EPHA5: variants seen among roughly 807,000 people sequenced by gnomAD.
EPHA5 encodes the protein ephrin type-A receptor 5.
EPHA5 carries 60 observed loss-of-function variants against 105.0 expected under a neutral mutation model. The observed-to-expected ratio is 0.57, with a 90% CI of 0.46 to 0.71. The LOEUF is 0.71. Among genes scored for constraint, EPHA5 ranks in the 30% least tolerant of loss-of-function variants. EPHA5 has a pLI of 0.00. For synonymous variants in EPHA5, 513 were observed against 449.1 expected (o/e 1.14, Z -1.80); for missense variants, 1,218 against 1,274.7 (o/e 0.96, Z 0.68).
chr4:65,611,859 A>C (rs1457804592), intron 2 of EPHA5, among the ~76,000 whole-genome samples: 24 of 151,902 alleles, frequency 1.6e-4, no homozygotes, highest in Non-Finnish European at 7.4e-5. Context: ...AATACATAAT[A>C]AAGTGCACTC....
chr4:65,497,389 C>G (rs1378917743), intron 3 of EPHA5, among the ~76,000 whole-genome samples: 2 of 151,986 alleles, frequency 1.3e-5, no homozygotes, highest in Non-Finnish European at 2.9e-5. Flanking sequence ...AGCCTTAATG[C>G]TCTTATAAAT....
At chr4:65,426,807 T>C (rs1724483139) in intron 5 of EPHA5, among the ~76,000 whole-genome samples, 1 of 152,304 alleles carries the variant, frequency 6.6e-6, no homozygotes, top group Non-Finnish European at 1.5e-5. Context: ...ACCTGTTTAA[T>C]TTCAGTATAA....
At chr4:65,420,370 G>A (rs6551921) in intron 6 of EPHA5, 71 bp downstream of exon 6, 1,418,786 of 1,427,016 alleles carry the variant, frequency 0.99, 705,710 homozygotes, top group South Asian at 1. Context: ...TCTTCTGCAA[G>A]TTGGATAATT....
chr4:65,423,178 T>A (rs1053013472), intron 5 of EPHA5, among the ~76,000 whole-genome samples: 1 of 152,192 alleles, frequency 6.6e-6, no homozygotes, highest in Non-Finnish European at 1.5e-5. Context: ...TGTTTTTTCA[T>A]GATTAAAATG....
chr4:65,564,956 G>T (rs368911395), intron 3 of EPHA5, among the ~76,000 whole-genome samples: 1 of 151,558 alleles, frequency 6.6e-6, no homozygotes, highest in African/African-American at 2.4e-5. Flanking sequence ...CATCCAGAAA[G>T]AAATCTTATA....
intron 4 of EPHA5, among the ~76,000 whole-genome samples, chr4:65,491,429 A>G (rs1166232393): frequency 6.6e-6 from 1 of 152,136 alleles, no homozygotes; most frequent in Admixed American, 6.5e-5. Flanking sequence ...GAAAAGGACT[A>G]CAATAGGATG....
chr4:65,485,785 T>C (rs183214441), intron 5 of EPHA5, among the ~76,000 whole-genome samples: 142 of 152,296 alleles, frequency 9.3e-4, no homozygotes, highest in African/African-American at 3.4e-3. Flanking sequence ...AGAATGGTGC[T>C]TTGGCATGAT....
intron 2 of EPHA5, among the ~76,000 whole-genome samples, chr4:65,641,449 T>C (rs1578664480): frequency 6.6e-6 from 1 of 152,212 alleles, no homozygotes; most frequent in Admixed American, 6.5e-5. Context: ...ACAGTTTTTA[T>C]GTACATCATT....
chr4:65,489,048 G>C (rs1414423965), intron 5 of EPHA5, among the ~76,000 whole-genome samples: 1 of 149,582 alleles, frequency 6.7e-6, no homozygotes, highest in Non-Finnish European at 1.5e-5. Context: ...ACCATGCCCG[G>C]CTAATTTTTT....
chr4:65,342,622 A>G (rs914677545), intron 14 of EPHA5, among the ~76,000 whole-genome samples: 6 of 151,918 alleles, frequency 3.9e-5, no homozygotes, highest in Admixed American at 3.9e-4. Flanking sequence ...TTATATGTAT[A>G]TGAGCAATAT....
At chr4:65,364,109 T>C (rs1486440268) in intron 11 of EPHA5, among the ~76,000 whole-genome samples, 1 of 151,570 alleles carries the variant, frequency 6.6e-6, no homozygotes, top group Non-Finnish European at 1.5e-5. Context: ...TGTGTGGGTA[T>C]ATACTCAACT....
chr4:65,667,289 A>G (rs1291537652), intron 1 of EPHA5, among the ~76,000 whole-genome samples: 1 of 152,252 alleles, frequency 6.6e-6, no homozygotes, highest in Non-Finnish European at 1.5e-5. Context: ...CAGAGCAGAA[A>G]TAAAGATCTA....
chr4:65,349,079 G>T (rs958497705), intron 13 of EPHA5, among the ~76,000 whole-genome samples: 4 of 151,726 alleles, frequency 2.6e-5, no homozygotes, highest in Admixed American at 6.6e-5. Context: ...GCCTCCCAAA[G>T]TGCTGGGATT....
At chr4:65,543,293 C>G (rs974906159) in intron 3 of EPHA5, among the ~76,000 whole-genome samples, 1 of 151,964 alleles carries the variant, frequency 6.6e-6, no homozygotes, top group African/African-American at 2.4e-5. Flanking sequence ...TCTCTGTCTG[C>G]AGATGACATG....
At position 65,490,488 on chromosome 4, in the gene EPHA5, G is replaced by A. The variant is rs1731292719; in HGVS notation, c.1291C>T (p.Leu431=). The part of the protein sequence containing the change: ...LKNTSVMMVD[L]LAHTNYTFEI... ...AAGGTATAGTTTGTGTGAGCGAGTAGATCCACCATCATGACAGAGGTGTTT... is the reference window on the plus strand; with the variant it reads ...AAGGTATAGTTTGTGTGAGCGAGTAAATCCACCATCATGACAGAGGTGTTT... Residue 431 remains leucine (L), a synonymous_variant, in exon 5 of 17, where the codon CTA becomes TTA. Transcript: ENST00000613740. The A allele has an allele frequency of 6.2e-7, 1 of 1,614,042 alleles. No individual in the cohort carries two copies. The highest frequency in any genetic ancestry group is 2.2e-5 in the East Asian group (1 of 44,890).
chr4:65,555,623 A>G (rs1160626531), intron 3 of EPHA5, among the ~76,000 whole-genome samples: 1 of 140,724 alleles, frequency 7.1e-6, no homozygotes, highest in Non-Finnish European at 1.5e-5. Flanking sequence ...TGAATTTCAC[A>G]TATTACGTAT....
chr4:65,554,065 C>A (rs1479672839), intron 3 of EPHA5, among the ~76,000 whole-genome samples: 9 of 151,360 alleles, frequency 5.9e-5, no homozygotes, highest in Non-Finnish European at 8.9e-5. Context: ...TACGTATCTA[C>A]AAATTTCAGT....
At chr4:65,418,862 CTTTTTTTTTTTTTTTTT>C (rs575608289) in intron 6 of EPHA5, among the ~76,000 whole-genome samples, 2 of 47,074 alleles carry the variant, frequency 4.2e-5, no homozygotes, top group South Asian at 8.6e-4. Context: ...TACCTAAACT[CTTTTTTTTTTTTTTTTT>C]TTTTTTTTTT....
At chr4:65,531,015 A>AT (rs200655975) in intron 3 of EPHA5, among the ~76,000 whole-genome samples, 20 of 107,160 alleles carry the variant, frequency 1.9e-4, no homozygotes, top group East Asian at 2.5e-4. Context: ...TATTTTTTTT[A>AT]TTTTTTTTAT....
Sources: gnomAD v4.1 joint callset for allele counts (sites outside exome capture counted in the v4.1 genomes callset) on GRCh38, gnomAD v4.1.1 for gene constraint, MANE v1.5 for transcripts, NCBI Gene and HGNC (gene_info 2026-07-23, HGNC 2026-07-21) for gene names.